The following SDCBP variants were observed in gnomAD, a reference collection of about 807,000 sequenced individuals.
SDCBP encodes syntenin-1.
Under a neutral mutation model 30.5 loss-of-function variants are expected in SDCBP, and 22 were observed. The observed-to-expected ratio is 0.72, with a 90% CI of 0.52 to 1.03. SDCBP has a LOEUF of 1.03. SDCBP is among the 50% of genes least tolerant of loss of function. The probability of loss-of-function intolerance (pLI) is 0.00; values close to 1 mark genes in which losing one functional copy is unlikely to be tolerated. For synonymous variants in SDCBP, 103 were observed against 118.7 expected (o/e 0.87, Z 0.86); for missense variants, 304 against 369.9 (o/e 0.82, Z 1.46).
intron 1 of SDCBP, among the ~76,000 whole-genome samples, chr8:58,559,937 G>C (rs1232532718): frequency 6.6e-6 from 1 of 152,186 alleles, no homozygotes; most frequent in Non-Finnish European, 1.5e-5. Context: ...TTTTTCCCTG[G>C]GCGGGGAAAG....
intron 4 of SDCBP, among the ~76,000 whole-genome samples, chr8:58,573,622 T>C (rs1038794808): frequency 6.6e-6 from 1 of 152,078 alleles, no homozygotes; most frequent in East Asian, 1.9e-4. Context: ...TCAGTAAAAG[T>C]TGCAGACTGG....
chr8:58,554,883 G>A (rs2129607077), intron 1 of SDCBP, among the ~76,000 whole-genome samples: 1 of 152,272 alleles, frequency 6.6e-6, no homozygotes, highest in African/African-American at 2.4e-5. Context: ...TATTGTTTTT[G>A]AGTAGGTAAA....
At chr8:58,575,842 T>C in intron 4 of SDCBP, 58 bp from the exon 5 acceptor site, 1 of 1,417,434 alleles carries the variant, frequency 7.1e-7, no homozygotes, top group Non-Finnish European at 9.7e-7. Context: ...TTAATTATCA[T>C]TGTTTTTTTC....
chr8:58,562,496 A>G (rs1246213243), intron 1 of SDCBP, among the ~76,000 whole-genome samples: 1 of 152,140 alleles, frequency 6.6e-6, no homozygotes, highest in East Asian at 1.9e-4. Flanking sequence ...AAGGATAGAC[A>G]TATAGATCAG....
At chr8:58,577,844 GA>G in intron 5 of SDCBP, 188 bp from the exon 6 acceptor site, 1 of 463,640 alleles carries the variant, frequency 2.2e-6, no homozygotes, top group East Asian at 3.7e-5. Context: ...TTGCTGTCTT[GA>G]TAAATTTTTC....
intron 8 of SDCBP, among the ~76,000 whole-genome samples, chr8:58,580,988 CTAAGAG>C (rs905759575): frequency 1.3e-5 from 2 of 152,138 alleles, no homozygotes; most frequent in African/African-American, 2.4e-5. Flanking sequence ...TGGTGGAATG[CTAAGAG>C]TAAGTTTCCC....
At chr8:58,564,620 G>C (rs1804608802) in intron 1 of SDCBP, among the ~76,000 whole-genome samples, 1 of 152,192 alleles carries the variant, frequency 6.6e-6, no homozygotes, top group South Asian at 2.1e-4. Flanking sequence ...ATTGTTAGAA[G>C]GAAATGTAGC....
intron 5 of SDCBP, 51 bp downstream of exon 5, chr8:58,576,112 A>T: frequency 1.5e-6 from 2 of 1,295,530 alleles, no homozygotes; most frequent in Admixed American, 3.6e-5. Context: ...TTACATAATA[A>T]GTGATTAATG....
intron 8 of SDCBP, among the ~76,000 whole-genome samples, chr8:58,581,121 CCTT>C (rs1805661308): frequency 6.6e-6 from 1 of 151,986 alleles, no homozygotes; most frequent in African/African-American, 2.4e-5. Flanking sequence ...CAACAAGGTT[CCTT>C]CTATAGAGCT....
intron 1 of SDCBP, among the ~76,000 whole-genome samples, chr8:58,559,530 A>G (rs1417110309): frequency 6.6e-6 from 1 of 152,164 alleles, no homozygotes; most frequent in Admixed American, 6.5e-5. Flanking sequence ...ATCATATTTG[A>G]TAGTGCTCTC....
intron 2 of SDCBP, among the ~76,000 whole-genome samples, chr8:58,565,462 A>G (rs550233410): frequency 2.6e-5 from 4 of 152,080 alleles, no homozygotes; most frequent in South Asian, 2.1e-4. Context: ...CTTTAATTCT[A>G]TGTCTCTTAA....
intron 1 of SDCBP, among the ~76,000 whole-genome samples, chr8:58,562,153 ATT>A (rs1225294165): frequency 4.1e-4 from 63 of 152,008 alleles, no homozygotes; most frequent in Non-Finnish European, 7.7e-4. Context: ...ATAGAAAATC[ATT>A]AACAAAATGT....
At chr8:58,561,964 A>C (rs986519116) in intron 1 of SDCBP, among the ~76,000 whole-genome samples, 1 of 152,132 alleles carries the variant, frequency 6.6e-6, no homozygotes, top group Admixed American at 6.6e-5. Context: ...TGAAATTATC[A>C]GCTTAAAATA....
chr8:58,560,479 C>T (rs996467886), intron 1 of SDCBP: 5 of 151,976 alleles, frequency 3.3e-5, no homozygotes, highest in African/African-American at 7.3e-5. Flanking sequence ...TTCTGTTTCA[C>T]CTGACTTGGA....
At chr8:58,565,136 A>G in intron 2 of SDCBP, 52 bp downstream of exon 2, 1 of 893,598 alleles carries the variant, frequency 1.1e-6, no homozygotes. Flanking sequence ...CATGCATTCT[A>G]CTTATAGGTG....
rs1050224241 is a variant in SDCBP, at chr8:58,582,271, T to C, written c.*531T>C. The C allele has an allele frequency of 1.3e-5, 2 of 152,774 alleles. No individual in the cohort carries two copies. Among genetic ancestry groups the C allele is most frequent in the Non-Finnish European group, 2.9e-5 (2 of 68,174 alleles). The allele number at this position is 152,774 out of a possible 1,614,324, so 9.5% of individuals were successfully genotyped here. On this transcript the variant is annotated 3_prime_UTR_variant, in exon 9 of 9. Coordinates refer to ENST00000260130, the MANE Select transcript of SDCBP (RefSeq NM_005625.4). ...TAAGCATTAAACAGTGTATGTAGGT[T>C]TCAAGAGATTGTGATGATTCTTAAA...
chr8:58,555,748 T>C (rs1804064232), intron 1 of SDCBP, among the ~76,000 whole-genome samples: 1 of 151,860 alleles, frequency 6.6e-6, no homozygotes, highest in Non-Finnish European at 1.5e-5. Flanking sequence ...TTTTTCATTT[T>C]TTAGTTTTTT....
intron 8 of SDCBP, among the ~76,000 whole-genome samples, chr8:58,581,263 G>C (rs2129608505): frequency 6.6e-6 from 1 of 152,288 alleles, no homozygotes; most frequent in Non-Finnish European, 1.5e-5. Flanking sequence ...TGAAATTTTT[G>C]TGTTGGCTTC....
At chr8:58,580,373 T>C (rs1805623691) in intron 7 of SDCBP, 144 bp from the exon 8 acceptor site, 1 of 584,580 alleles carries the variant, frequency 1.7e-6, no homozygotes, top group African/African-American at 1.9e-5. Flanking sequence ...TAAAATAGTG[T>C]ACAATTAAAC....
Sources: allele counts gnomAD v4.1 joint callset (sites outside exome capture counted in the v4.1 genomes callset), GRCh38; gene constraint gnomAD v4.1.1; transcripts MANE v1.5; gene names NCBI Gene and HGNC (gene_info 2026-07-23, HGNC 2026-07-21).